Variants in RBFOX2 observed in about 807,000 individuals in gnomAD.
RBFOX2 encodes RNA binding fox-1 homolog 2.
A neutral mutation model predicts 49.1 loss-of-function variants in RBFOX2; 10 were observed. The observed-to-expected ratio is 0.20, with a 90% CI of 0.13 to 0.35. RBFOX2 has a LOEUF of 0.35. Ranked by LOEUF, RBFOX2 falls within the 10% of genes least tolerant of loss-of-function variation. RBFOX2 has a pLI of 1.00. For missense variants in RBFOX2, 323 were observed against 486.9 expected, an observed-to-expected ratio of 0.66 and a Z score of 3.17; for synonymous variants, 183 against 187.4, an observed-to-expected ratio of 0.98 and a Z score of 0.19.
In RBFOX2 at chr22:35,785,524, G is replaced by A. The variant is rs1946205052; in HGVS notation, c.253-3778C>T. Among the ~76,000 whole-genome samples, 3 of 152,112 alleles carry A rather than the reference G, an allele frequency of 2.0e-5. No individual in the cohort carries two copies. In the South Asian group the frequency reaches 6.2e-4, roughly 31 times the overall value. Reference sequence around the variant, plus strand: ...TGCATCCCCTCCCTTTGACTTTCAGGCTAAAAGAAGCTGTGAATCAGAGAT... The same window carrying A: ...TGCATCCCCTCCCTTTGACTTTCAGACTAAAAGAAGCTGTGAATCAGAGAT... On this transcript the variant is annotated intron_variant, in intron 2 of 11. Transcript: ENST00000405409.
chr22:35,811,987 G>A (rs1434363104), intron 1 of RBFOX2, among the ~76,000 whole-genome samples: 1 of 150,888 alleles, frequency 6.6e-6, no homozygotes, highest in Non-Finnish European at 1.5e-5. Flanking sequence ...AAGGCTGGGT[G>A]TGGTGGCTCA....
At position 35,750,469 on chromosome 22, in the gene RBFOX2, T is replaced by G. The variant is rs1227920688; in HGVS notation, c.888-3908A>C. On this transcript the variant is annotated intron_variant, in intron 9 of 11. Transcript: ENST00000405409. ...TTTGCAGATTCTATCTGTGTGTGAT[T>G]TGAAATAAAACAAAAAATGGGGATT... 3 of 1,600,014 alleles carry G rather than the reference T, an allele frequency of 1.9e-6. No homozygotes were observed. The South Asian group carries it at 3.3e-5, about 18-fold the overall frequency.
chr22:35,980,212 A>G (rs1364381017), intron 1 of RBFOX2, among the ~76,000 whole-genome samples: 1 of 152,286 alleles, frequency 6.6e-6, no homozygotes, highest in Middle Eastern at 3.4e-3. Context: ...TATGTGATCA[A>G]CACACACACA....
chr22:36,027,199 G>GT (rs2059473001), intron 1 of RBFOX2, among the ~76,000 whole-genome samples: 1 of 152,132 alleles, frequency 6.6e-6, no homozygotes, highest in Non-Finnish European at 1.5e-5. Flanking sequence ...CCTACTATGA[G>GT]TAAGAATCTT....
At chr22:35,830,118 C>G (rs1290876806) in intron 1 of RBFOX2, among the ~76,000 whole-genome samples, 4 of 152,164 alleles carry the variant, frequency 2.6e-5, no homozygotes, top group Admixed American at 6.5e-5. Flanking sequence ...CTCTCCCATT[C>G]AACATTTCAA....
At chr22:35,800,443 C>T (rs994470964) in intron 2 of RBFOX2, among the ~76,000 whole-genome samples, 3 of 152,186 alleles carry the variant, frequency 2.0e-5, no homozygotes, top group Non-Finnish European at 4.4e-5. Flanking sequence ...ACTTATTCCA[C>T]CTTATTTCCC....
chr22:35,939,179 T>G (rs1366032229), upstream of RBFOX2: 1 of 598,524 alleles, frequency 1.7e-6, no homozygotes, highest in Admixed American at 2.1e-5. Context: ...AGGGTGCTAC[T>G]GCGACTGGGG....
intron 1 of RBFOX2, among the ~76,000 whole-genome samples, chr22:35,873,424 A>C (rs1164333396): frequency 6.6e-6 from 1 of 151,980 alleles, no homozygotes; most frequent in Non-Finnish European, 1.5e-5. Flanking sequence ...CCGACCCTGA[A>C]TGGGTTGTTT....
chr22:35,971,860 G>T (rs753214659), intron 1 of RBFOX2, among the ~76,000 whole-genome samples: 2 of 138,028 alleles, frequency 1.4e-5, no homozygotes, highest in African/African-American at 2.7e-5. Context: ...GGCCCATCTG[G>T]AATCAGTTAG....
chr22:35,794,868 T>A (rs776801787), intron 2 of RBFOX2, among the ~76,000 whole-genome samples: 1 of 152,192 alleles, frequency 6.6e-6, no homozygotes, highest in Non-Finnish European at 1.5e-5. Context: ...TAGCAATTTT[T>A]TAGTTTAGTT....
intron 1 of RBFOX2, among the ~76,000 whole-genome samples, chr22:35,850,598 G>C (rs2041829396): frequency 6.6e-6 from 1 of 152,182 alleles, no homozygotes; most frequent in African/African-American, 2.4e-5. Flanking sequence ...AGAAAAGCCA[G>C]TTGCTTTTCT....
chr22:35,925,550 T>C (rs773861950), intron 1 of RBFOX2, among the ~76,000 whole-genome samples: 1 of 152,118 alleles, frequency 6.6e-6, no homozygotes, highest in Admixed American at 6.5e-5. Flanking sequence ...GTAGAAAGCA[T>C]GTGCCCTGGG....
At chr22:35,851,084 G>A (rs956140367) in intron 1 of RBFOX2, among the ~76,000 whole-genome samples, 2 of 152,072 alleles carry the variant, frequency 1.3e-5, no homozygotes, top group East Asian at 1.9e-4. Context: ...TCCATGCCCC[G>A]CCCCCATCAG....
At chr22:35,886,401 T>C (rs1453815425) in intron 1 of RBFOX2, among the ~76,000 whole-genome samples, 1 of 152,216 alleles carries the variant, frequency 6.6e-6, no homozygotes, top group African/African-American at 2.4e-5. Flanking sequence ...TGCTTTCAAC[T>C]GGATTACAAC....
At chr22:36,010,732 TACACACACACACACACACAC>T (rs34495987) in intron 1 of RBFOX2, among the ~76,000 whole-genome samples, 45 of 137,070 alleles carry the variant, frequency 3.3e-4, no homozygotes, top group African/African-American at 1.1e-3. Flanking sequence ...TACTGTTCAG[TACACACACACACACACACAC>T]ACACACACAC....
rs1047448488 is a variant in RBFOX2 at position 35,810,018 on chromosome 22, C to A, written c.28-14G>T. The A allele has an allele frequency of 1.9e-6, 3 of 1,610,810 alleles. No individual in the cohort carries two copies. The highest frequency in any genetic ancestry group is 1.7e-5 in the Admixed American group (1 of 59,412). On this transcript the variant is annotated splice_polypyrimidine_tract_variant and intron_variant, in intron 1 of 11. Coordinates refer to ENST00000405409, the Ensembl canonical transcript of RBFOX2. ...CTCCTGGTTACCCTAAAACAAACAA[C>A]AAGAGAAAGAAAAAGTGACTTTGAA...
At chr22:35,836,801 A>G (rs147623226) in intron 1 of RBFOX2, among the ~76,000 whole-genome samples, 7 of 152,234 alleles carry the variant, frequency 4.6e-5, no homozygotes, top group Non-Finnish European at 8.8e-5. Context: ...ACTGAATTTG[A>G]GTTTGGCTAA....
chr22:36,007,446 T>C (rs182676168), intron 1 of RBFOX2, among the ~76,000 whole-genome samples: 1 of 152,292 alleles, frequency 6.6e-6, no homozygotes, highest in East Asian at 1.9e-4. Context: ...ACTTGACTCA[T>C]TTCTATGAAA....
chr22:35,742,143 C>T (rs1930274106), exon 12 of RBFOX2: 1 of 152,160 alleles, frequency 6.6e-6, no homozygotes, highest in Non-Finnish European at 1.5e-5. Context: ...AGCAACAAAC[C>T]AAACTTTGGC....
Sources: allele counts gnomAD v4.1 joint callset (sites outside exome capture counted in the v4.1 genomes callset), GRCh38; gene constraint gnomAD v4.1.1; transcripts MANE v1.5; gene names NCBI Gene and HGNC (gene_info 2026-07-23, HGNC 2026-07-21).